Variants in CTDP1 observed in about 807,000 individuals in gnomAD.
CTDP1 encodes RNA polymerase II subunit A C-terminal domain phosphatase.
Under a neutral mutation model 91.8 loss-of-function variants are expected in CTDP1, and 47 were observed. The observed-to-expected ratio is 0.51, with a 90% CI of 0.41 to 0.65. The LOEUF (loss-of-function observed/expected upper bound fraction) is 0.65. CTDP1 is among the 30% of genes least tolerant of loss of function. The pLI is 0.00. For synonymous variants in CTDP1, 656 were observed against 598.5 expected, an observed-to-expected ratio of 1.10 and a Z score of -1.40; for missense variants, 1,272 against 1,373.7, an observed-to-expected ratio of 0.93 and a Z score of 1.17.
chr18:79,682,710 G>C (rs1051700475), intron 1 of CTDP1, among the ~76,000 whole-genome samples: 2 of 152,152 alleles, frequency 1.3e-5, no homozygotes, highest in South Asian at 4.2e-4. Context: ...GGTTGACTGC[G>C]GGACCTGAGT....
chr18:79,743,018 G>A (rs2086809651), intron 12 of CTDP1, among the ~76,000 whole-genome samples: 1 of 152,230 alleles, frequency 6.6e-6, no homozygotes, highest in African/African-American at 2.4e-5. Flanking sequence ...ATGTGGAGAT[G>A]TAACATTTGC....
chr18:79,721,388 G>T (rs2086341800), intron 10 of CTDP1, among the ~76,000 whole-genome samples: 1 of 152,162 alleles, frequency 6.6e-6, no homozygotes, highest in Non-Finnish European at 1.5e-5. Flanking sequence ...GCACCACCTA[G>T]AGCAGAAGGA....
At chr18:79,742,280 C>T (rs115268776) in intron 12 of CTDP1, among the ~76,000 whole-genome samples, 2 of 144,326 alleles carry the variant, frequency 1.4e-5, no homozygotes, top group African/African-American at 2.7e-5. Context: ...TGTGAGGTGT[C>T]CACGAGAGAG....
intron 10 of CTDP1, among the ~76,000 whole-genome samples, chr18:79,719,744 G>C (rs183763388): frequency 2.0e-5 from 3 of 150,624 alleles, no homozygotes; most frequent in Non-Finnish European, 4.4e-5. Context: ...CTCCCATCGT[G>C]TCCTGGTGAT....
At chr18:79,739,818 A>C (rs2086739271) in intron 12 of CTDP1, among the ~76,000 whole-genome samples, 1 of 144,378 alleles carries the variant, frequency 6.9e-6, no homozygotes. Context: ...GACGGGTGGG[A>C]CTCTCATACC....
At chr18:79,701,398 T>C (rs2085852655) in intron 4 of CTDP1, among the ~76,000 whole-genome samples, 1 of 151,790 alleles carries the variant, frequency 6.6e-6, no homozygotes, top group Non-Finnish European at 1.5e-5. Context: ...TAGTCCCAGC[T>C]ACTCGGGAGG....
chr18:79,704,659 C>A, intron 4 of CTDP1, 108 bp from the exon 5 acceptor site: 1 of 1,457,316 alleles, frequency 6.9e-7, no homozygotes, highest in Non-Finnish European at 9.5e-7. Flanking sequence ...GAACGCTTGT[C>A]TGGGGCACAC....
intron 1 of CTDP1, among the ~76,000 whole-genome samples, chr18:79,687,702 T>C (rs2085533841): frequency 6.6e-6 from 1 of 151,830 alleles, no homozygotes; most frequent in Non-Finnish European, 1.5e-5. Flanking sequence ...TCCAGTTCAC[T>C]GGTGGGCATG....
chr18:79,743,111 G>A (rs1197790526), intron 12 of CTDP1, among the ~76,000 whole-genome samples: 1 of 152,230 alleles, frequency 6.6e-6, no homozygotes, highest in East Asian at 1.9e-4. Context: ...AAGAGACCCA[G>A]GAGTGCTGAA....
At chr18:79,679,227 G>A (rs929753246), upstream of CTDP1, 33 of 347,992 alleles carry the variant, frequency 9.5e-5, no homozygotes, top group Non-Finnish European at 1.2e-4. Context: ...CTTCCGCATC[G>A]AAGGTGAGGT....
rs1402318366 is a variant in CTDP1, at chr18:79,735,915, C to T, written c.2581-440C>T. ...GCGTCCCTGTGGCACGGCCACGTCT[C>T]CACCCCCAGGTGGCTGCTCTCCCAG... On this transcript the variant is annotated intron_variant, in intron 11 of 12. Transcript: ENST00000613122. 5 of 208,214 alleles carry T rather than the reference C, an allele frequency of 2.4e-5. No individual in the cohort carries two copies. The South Asian group carries it at 3.1e-4, about 13-fold the overall frequency. 12.9% of individuals were successfully genotyped at this position (208,214 alleles called of 1,614,324 possible). A position where few individuals can be genotyped will look rare whatever the true frequency, so the allele number is the denominator to read the frequency against.
rs1471498551 is a variant in CTDP1, at chr18:79,736,514, G to T, written c.2740G>T (p.Gly914Trp). 4.5e-6 allele frequency: 7 copies of T among 1,543,380 alleles called. No individual in the cohort carries two copies. The highest frequency in any genetic ancestry group is 6.1e-6 in the Non-Finnish European group (7 of 1,143,370). ...CGAGAGGAGCGCGGCAGGGGGCCGG[G>T]GGCCCAGGTGAGTGCGGGGTCTGAG... Reference protein sequence around the residue: ...SSERSAAGGRGPRGHKRKLNE... With the variant: ...SSERSAAGGRWPRGHKRKLNE... The change falls in exon 12 of 13, where the codon GGG (glycine) becomes TGG (tryptophan). Residue 914 changes from glycine to tryptophan, a missense_variant. Physicochemically the swap from Gly to Trp is radical, Grantham distance 184. Around this residue, in one of 3 missense-constraint regions of CTDP1, gnomAD observed 881 missense variants for 911.6 expected, o/e 0.97. Transcript: ENST00000613122.
In CTDP1 at chr18:79,715,584, G is replaced by A. The variant is rs1355158454; in HGVS notation, c.2068+56G>A. 4 of 1,493,158 alleles carry A rather than the reference G, an allele frequency of 2.7e-6. No individual in the cohort carries two copies. In the South Asian group the frequency reaches 3.6e-5, roughly 14 times the overall value. 92.5% of individuals were successfully genotyped at this position (1,493,158 alleles called of 1,614,324 possible). Reference sequence around the variant, plus strand: ...GGTCAGGCCCGCGGGCTCCTTGCAGGCACTCCTTAGAGTTGGCATTGCTGT... The same window carrying A: ...GGTCAGGCCCGCGGGCTCCTTGCAGACACTCCTTAGAGTTGGCATTGCTGT... On this transcript the variant is annotated intron_variant, in intron 8 of 12. Transcript: ENST00000613122.
intron 1 of CTDP1, among the ~76,000 whole-genome samples, chr18:79,690,424 C>T (rs377560144): frequency 1.7e-4 from 26 of 152,290 alleles, no homozygotes; most frequent in South Asian, 1.4e-3. Flanking sequence ...ACTGATTGGA[C>T]GTTTTTGGGC....
At position 79,739,852 on chromosome 18, in the gene CTDP1, T is replaced by TTGCTCCCTGCCTG. The variant is rs1568215689; in HGVS notation, c.2747+3331_2747+3332insTGCTCCCTGCCTG. ...CCCACGGCCGGGACGGGTGGGACTCTCATACCCACGGCCGGGACGGGTGGG... is the reference window on the plus strand; with the variant it reads ...CCCACGGCCGGGACGGGTGGGACTCTTGCTCCCTGCCTGCATACCCACGGCCGGGACGGGTGGG... On this transcript the variant is annotated intron_variant, in intron 12 of 12. Coordinates refer to ENST00000613122, the MANE Select transcript of CTDP1 (RefSeq NM_004715.5). 1.0e-3 allele frequency among the ~76,000 whole-genome samples: 62 copies of TTGCTCCCTGCCTG among 60,774 alleles called. 2 individuals carry two copies. The highest frequency in any genetic ancestry group is 2.2e-3 in the Admixed American group (12 of 5,504). The allele number at this position is 60,774 out of a possible 152,430, so 39.9% of individuals were successfully genotyped here.
intron 1 of CTDP1, among the ~76,000 whole-genome samples, chr18:79,681,926 G>A (rs1237258285): frequency 2.0e-5 from 3 of 152,158 alleles, no homozygotes; most frequent in Non-Finnish European, 4.4e-5. Context: ...TTTTATGAGC[G>A]TTCTGGGGAG....
chr18:79,696,440 G>A (rs656930), intron 3 of CTDP1, among the ~76,000 whole-genome samples: 30,832 of 151,968 alleles, frequency 0.2, 3,381 homozygotes, highest in Middle Eastern at 0.3. Context: ...AGGTGGCCGC[G>A]CTGCCGAGGC....
chr18:79,727,453 G>A (rs983212741), intron 10 of CTDP1, among the ~76,000 whole-genome samples: 1 of 152,116 alleles, frequency 6.6e-6, no homozygotes, highest in South Asian at 2.1e-4. Flanking sequence ...CATTCACGGT[G>A]TTCGTGGGAT....
chr18:79,687,676 C>T (rs979600389), intron 1 of CTDP1, among the ~76,000 whole-genome samples: 3 of 151,752 alleles, frequency 2.0e-5, no homozygotes, highest in East Asian at 1.9e-4. Flanking sequence ...GGGCCTGCAC[C>T]GCAGCAGTTG....
Sources: gnomAD v4.1 joint callset for allele counts (sites outside exome capture counted in the v4.1 genomes callset) on GRCh38, gnomAD v4.1.1 for gene constraint, gnomAD v4.1.1 regional missense constraint, MANE v1.5 for transcripts, NCBI Gene and HGNC (gene_info 2026-07-23, HGNC 2026-07-21) for gene names.